The following CNNM1 variants were observed in gnomAD, a reference collection of about 807,000 sequenced individuals.
CNNM1 encodes cyclin and CBS domain divalent metal cation transport mediator 1, also known as metal transporter CNNM1.
A neutral mutation model predicts 78.8 loss-of-function variants in CNNM1; 44 were observed. The observed-to-expected ratio is 0.56, with a 90% CI of 0.44 to 0.72. The LOEUF is 0.72. CNNM1 is among the 30% of genes least tolerant of loss of function. The pLI is 0.00. For synonymous variants in CNNM1, 584 were observed against 581.5 expected (o/e 1.00, Z -0.06); for missense variants, 1,101 against 1,292.2 (o/e 0.85, Z 2.27).
intron 1 of CNNM1, among the ~76,000 whole-genome samples, chr10:99,343,801 GC>G (rs1564940915): frequency 6.6e-6 from 1 of 151,906 alleles, no homozygotes; most frequent in Non-Finnish European, 1.5e-5. Flanking sequence ...TGCAAACTCT[GC>G]CTCCTGGGTT....
In CNNM1 at chr10:99,330,935, C is replaced by T. The variant is rs1453123213; in HGVS notation, c.1548C>T (p.Asp516=). 2.5e-6 allele frequency: 4 copies of T among 1,613,176 alleles called. No individual in the cohort carries two copies. Among genetic ancestry groups the T allele is most frequent in the Non-Finnish European group, 3.4e-6 (4 of 1,179,730 alleles). ...LHCVFNDTRL[D]TVLEEFKKGK... ...GTGTTTTCAATGACACCCGACTGGACACGGTTCTGGAGGAGTTTAAGAAGG... is the reference window on the plus strand; with the variant it reads ...GTGTTTTCAATGACACCCGACTGGATACGGTTCTGGAGGAGTTTAAGAAGG... The change falls in exon 1 of 11, where the codon GAC becomes GAT. Residue 516 remains aspartate (D), a synonymous_variant. Coordinates refer to ENST00000356713, the MANE Select transcript of CNNM1 (RefSeq NM_020348.3).
intron 1 of CNNM1, among the ~76,000 whole-genome samples, chr10:99,349,284 G>T (rs888667412): frequency 6.6e-6 from 1 of 152,138 alleles, no homozygotes. Context: ...CCTCATCCAA[G>T]ATCAATTAGA....
intron 3 of CNNM1, 51 bp from the exon 4 acceptor site, chr10:99,362,176 G>A (rs2031456295): frequency 1.1e-5 from 17 of 1,523,734 alleles, no homozygotes; most frequent in Non-Finnish European, 1.5e-5. Context: ...TGCTGGAATG[G>A]GTGGGACACA....
chr10:99,344,795 A>G (rs985475434), intron 1 of CNNM1, among the ~76,000 whole-genome samples: 1 of 152,246 alleles, frequency 6.6e-6, no homozygotes, highest in African/African-American at 2.4e-5. Flanking sequence ...CAGGCTAAAC[A>G]TAAGAAGGCT....
At chr10:99,373,071 G>A (rs1393029657) in intron 6 of CNNM1, among the ~76,000 whole-genome samples, 1 of 152,208 alleles carries the variant, frequency 6.6e-6, no homozygotes, top group Admixed American at 6.5e-5. Flanking sequence ...GAAATGATGA[G>A]AGCTTTGGAG....
intron 6 of CNNM1, among the ~76,000 whole-genome samples, chr10:99,372,940 T>C (rs891191003): frequency 6.6e-6 from 1 of 152,198 alleles, no homozygotes; most frequent in Non-Finnish European, 1.5e-5. Context: ...AAATAAACTT[T>C]CAATAACATT....
chr10:99,342,314 C>A (rs1053626706), intron 1 of CNNM1, among the ~76,000 whole-genome samples: 3 of 152,212 alleles, frequency 2.0e-5, no homozygotes, highest in Non-Finnish European at 2.9e-5. Context: ...TGTTACTCTG[C>A]TATTTTTACA....
chr10:99,345,822 C>A (rs148406538), intron 1 of CNNM1, among the ~76,000 whole-genome samples: 1 of 152,032 alleles, frequency 6.6e-6, no homozygotes, highest in East Asian at 1.9e-4. Flanking sequence ...ATTCTTGGAA[C>A]GGTTATTTTA....
At chr10:99,352,185 T>G (rs1057241652) in intron 1 of CNNM1, among the ~76,000 whole-genome samples, 1 of 152,308 alleles carries the variant, frequency 6.6e-6, no homozygotes, top group East Asian at 1.9e-4. Flanking sequence ...CCCCTGTAGA[T>G]TGGTCTATTC....
At chr10:99,333,976 G>C (rs189323883) in intron 1 of CNNM1, among the ~76,000 whole-genome samples, 5 of 152,316 alleles carry the variant, frequency 3.3e-5, no homozygotes, top group Admixed American at 3.3e-4. Context: ...TACCAAGGAA[G>C]ATATTTCCAC....
At chr10:99,347,171 C>T (rs150035495) in intron 1 of CNNM1, among the ~76,000 whole-genome samples, 4 of 150,260 alleles carry the variant, frequency 2.7e-5, no homozygotes, top group South Asian at 2.1e-4. Flanking sequence ...ACATATACCC[C>T]GAACCTAAAA....
intron 7 of CNNM1, among the ~76,000 whole-genome samples, chr10:99,384,730 C>A (rs992512410): frequency 2.0e-5 from 3 of 152,098 alleles, no homozygotes; most frequent in African/African-American, 7.2e-5. Context: ...GTTCCTGGAT[C>A]CTTGATTCCA....
In CNNM1 at chr10:99,329,824, T is replaced by C. The variant is rs1339723766; in HGVS notation, c.437T>C (p.Leu146Pro). Residue 146 changes from leucine (L) to proline (P), a missense_variant, in exon 1 of 11, where the codon CTG (leucine) becomes CCG (proline). By Grantham distance (98) the Leu-to-Pro change is moderately conservative. Transcript: ENST00000356713. ...GACTGGGCATCGGACGTGGAAGTCC[T>C]GGGGCCCTTGCGTCCCGGGGGCGTG... ...QSDWASDVEV[L>P]GPLRPGGVAG... is the part of the protein sequence containing the mutation. The C allele has an allele frequency of 7.0e-7, 1 of 1,436,116 alleles. No individual in the cohort carries two copies. Among genetic ancestry groups the C allele is most frequent in the Admixed American group, 2.8e-5 (1 of 35,440 alleles). 89.0% of individuals were successfully genotyped at this position (1,436,116 alleles called of 1,614,324 possible).
chr10:99,363,203 G>A (rs183818203), intron 4 of CNNM1, among the ~76,000 whole-genome samples: 1 of 152,172 alleles, frequency 6.6e-6, no homozygotes, highest in Admixed American at 6.5e-5. Context: ...ACTTAGAAAT[G>A]GTCTCTTTGT....
At chr10:99,377,364 T>C (rs759719704) in intron 7 of CNNM1, 146 bp downstream of exon 7, 8 of 739,496 alleles carry the variant, frequency 1.1e-5, no homozygotes, top group Non-Finnish European at 1.7e-5. Context: ...TAACTGCTAC[T>C]GGCTGTATAA....
Position 99,392,553 on chromosome 10 carries a change from A to G in CNNM1, c.*1037A>G, listed in dbSNP as rs1243601552. 1.3e-5 allele frequency: 2 copies of G among 152,576 alleles called. No homozygotes were observed. The highest frequency in any genetic ancestry group is 4.8e-5 in the African/African-American group (2 of 41,448). The allele number at this position is 152,576 out of a possible 1,614,324, so 9.5% of individuals were successfully genotyped here. A position where few individuals can be genotyped will look rare whatever the true frequency, so the allele number is the denominator to read the frequency against. On this transcript the variant is annotated 3_prime_UTR_variant, in exon 11 of 11. Coordinates refer to ENST00000356713, the MANE Select transcript of CNNM1 (RefSeq NM_020348.3). ...TCCCACCCCCTTACTACACCCTAGCAGATCAGCTGAGTGTACTTTATTCCA... is the reference window on the plus strand; with the variant it reads ...TCCCACCCCCTTACTACACCCTAGCGGATCAGCTGAGTGTACTTTATTCCA...
At chr10:99,345,861 T>A (rs1016346643) in intron 1 of CNNM1, among the ~76,000 whole-genome samples, 1 of 152,152 alleles carries the variant, frequency 6.6e-6, no homozygotes, top group Non-Finnish European at 1.5e-5. Context: ...TTTTTTAATT[T>A]AAAAAAATTT....
At chr10:99,338,750 C>T (rs530686429) in intron 1 of CNNM1, among the ~76,000 whole-genome samples, 3 of 152,002 alleles carry the variant, frequency 2.0e-5, no homozygotes, top group South Asian at 2.1e-4. Context: ...ATATATTGCA[C>T]ATAATAACAA....
intron 5 of CNNM1, among the ~76,000 whole-genome samples, 187 bp downstream of exon 5, chr10:99,364,703 A>T (rs946436342): frequency 1.7e-4 from 26 of 151,464 alleles, no homozygotes; most frequent in Non-Finnish European, 3.4e-4. Flanking sequence ...GTTAGTGCTT[A>T]AAAAAAAAGT....
Sources: gnomAD v4.1 joint callset for allele counts (sites outside exome capture counted in the v4.1 genomes callset) on GRCh38, gnomAD v4.1.1 for gene constraint, MANE v1.5 for transcripts, NCBI Gene and HGNC (gene_info 2026-07-23, HGNC 2026-07-21) for gene names.